Variants in ABAT observed in about 807,000 individuals in gnomAD.
The protein encoded by ABAT is 4-aminobutyrate aminotransferase, mitochondrial.
A neutral mutation model predicts 64.6 loss-of-function variants in ABAT; 45 were observed. That is an observed-to-expected ratio of 0.70 (90% CI 0.55 to 0.89). The LOEUF (loss-of-function observed/expected upper bound fraction) is 0.89, where lower values mean the gene tolerates loss of function less well. Among genes scored for constraint, ABAT ranks in the 40% least tolerant of loss-of-function variants. The probability of loss-of-function intolerance (pLI) is 0.00; values close to 1 mark genes in which losing one functional copy is unlikely to be tolerated. For synonymous variants in ABAT, 297 were observed against 250.5 expected (o/e 1.19, Z -1.75); for missense variants, 633 against 658.4 (o/e 0.96, Z 0.42).
chr16:8,740,824 G>A (rs188355160), intron 2 of ABAT, among the ~76,000 whole-genome samples: 1 of 152,178 alleles, frequency 6.6e-6, no homozygotes, highest in Non-Finnish European at 1.5e-5. Context: ...TTGCTTATTG[G>A]TATCTTCCTC....
intron 2 of ABAT, among the ~76,000 whole-genome samples, chr16:8,741,895 A>G (rs772365136): frequency 6.6e-6 from 1 of 152,244 alleles, no homozygotes; most frequent in Non-Finnish European, 1.5e-5. Context: ...CAACAATACT[A>G]TCTATATGGT....
At chr16:8,738,604 G>GTTTTTT in intron 2 of ABAT, 2 of 258,974 alleles carry the variant, frequency 7.7e-6, no homozygotes, top group Non-Finnish European at 1.4e-5. Flanking sequence ...TTTCTTTTTT[G>GTTTTTT]TTTTTGTTTT....
chr16:8,678,482 A>T (rs1409665863), intron 1 of ABAT, among the ~76,000 whole-genome samples: 1 of 152,254 alleles, frequency 6.6e-6, no homozygotes, highest in Non-Finnish European at 1.5e-5. Context: ...ACAAAGGTTA[A>T]AAGACTTGTC....
At chr16:8,686,888 G>C (rs2057467980) in intron 1 of ABAT, among the ~76,000 whole-genome samples, 1 of 152,308 alleles carries the variant, frequency 6.6e-6, no homozygotes, top group Non-Finnish European at 1.5e-5. Flanking sequence ...ATGAACTGAT[G>C]GTATGTGGAG....
intron 1 of ABAT, among the ~76,000 whole-genome samples, chr16:8,709,459 C>T (rs1303821337): frequency 2.0e-5 from 3 of 151,974 alleles, no homozygotes; most frequent in Admixed American, 1.3e-4. Flanking sequence ...CTGCAACCTC[C>T]GCCTCCTGGG....
intron 1 of ABAT, among the ~76,000 whole-genome samples, chr16:8,706,715 A>G (rs1449736014): frequency 6.6e-6 from 1 of 152,216 alleles, no homozygotes; most frequent in African/African-American, 2.4e-5. Flanking sequence ...CCTGTCTCAA[A>G]AAAAAGATAC....
intron 1 of ABAT, among the ~76,000 whole-genome samples, chr16:8,720,162 C>T (rs1246579086): frequency 6.6e-6 from 1 of 152,222 alleles, no homozygotes; most frequent in African/African-American, 2.4e-5. Flanking sequence ...TGGCCTGCAA[C>T]AGGCATCTCT....
chr16:8,704,806 C>T (rs567159061), intron 1 of ABAT, among the ~76,000 whole-genome samples: 3 of 152,228 alleles, frequency 2.0e-5, no homozygotes, highest in South Asian at 2.1e-4. Flanking sequence ...TACCATTGGT[C>T]ATTTACATTG....
intron 1 of ABAT, among the ~76,000 whole-genome samples, chr16:8,731,186 C>A (rs2058709126): frequency 6.6e-6 from 1 of 152,176 alleles, no homozygotes; most frequent in African/African-American, 2.4e-5. Context: ...TGATCTCGAA[C>A]TCCTGACCTC....
Position 8,746,094 on chromosome 16 carries a change from C to T in ABAT, c.164C>T (p.Ser55Phe). ...AAGACGGAAGTCCCAGGGCCTAGAT[C>T]TCAGGTGAGTTGAGCACACCTGAGT... The part of the protein sequence containing the change: ...LMKTEVPGPR[S>F]QELMKQLNII... The change falls in exon 3 of 16, where the codon TCT becomes TTT. Residue 55 changes from serine to phenylalanine, a missense_variant. By Grantham distance (155) the Ser-to-Phe change is radical (BLOSUM62 -2). Coordinates refer to ENST00000268251, the MANE Select transcript of ABAT (RefSeq NM_020686.6). 6.2e-7 allele frequency: 1 copy of T among 1,612,854 alleles called. No individual in the cohort carries two copies. Among genetic ancestry groups the T allele is most frequent in the Non-Finnish European group, 8.5e-7 (1 of 1,179,454 alleles).
intron 5 of ABAT, among the ~76,000 whole-genome samples, chr16:8,750,851 C>G (rs2059459460): frequency 6.6e-6 from 1 of 152,058 alleles, no homozygotes; most frequent in African/African-American, 2.4e-5. Flanking sequence ...AGAATGCAAA[C>G]CCATCTGTGT....
intron 2 of ABAT, among the ~76,000 whole-genome samples, chr16:8,738,270 A>G (rs2059041918): frequency 1.3e-5 from 2 of 151,986 alleles, no homozygotes; most frequent in African/African-American, 2.4e-5. Context: ...GCAGTGAGCC[A>G]TGATCATGCC....
intron 1 of ABAT, among the ~76,000 whole-genome samples, chr16:8,695,004 A>G (rs1227015959): frequency 3.3e-5 from 5 of 152,196 alleles, no homozygotes; most frequent in Admixed American, 1.3e-4. Context: ...CCCAGCTGGC[A>G]GCATTCTGCT....
intron 1 of ABAT, among the ~76,000 whole-genome samples, chr16:8,698,055 C>T (rs1273376): frequency 0.71 from 108,488 of 152,066 alleles, 39,089 homozygotes; most frequent in East Asian, 0.87. Context: ...CTGGAGCTGC[C>T]GCAAAAAAAT....
At chr16:8,766,370 C>A (rs1567311647) in intron 9 of ABAT, 100 bp downstream of exon 9, 2 of 1,192,946 alleles carry the variant, frequency 1.7e-6, no homozygotes, top group Non-Finnish European at 2.4e-6. Flanking sequence ...TTAGGAAGGG[C>A]CAGGCCAGGC....
chr16:8,768,149 C>A (rs766162227), intron 9 of ABAT, 44 bp from the exon 10 acceptor site: 18 of 1,583,358 alleles, frequency 1.1e-5, no homozygotes, highest in Non-Finnish European at 1.6e-5. Context: ...ACAGTTCCCC[C>A]ATCCTTACAA....
intron 6 of ABAT, among the ~76,000 whole-genome samples, chr16:8,758,507 C>T (rs932911004): frequency 6.6e-6 from 1 of 152,094 alleles, no homozygotes; most frequent in African/African-American, 2.4e-5. Context: ...CAGCAGGGCA[C>T]AGGGTTTTCA....
rs915130672 is a variant in ABAT, at chr16:8,776,601, C to T, written c.1269+111C>T. 1.7e-6 allele frequency: 2 copies of T among 1,184,028 alleles called. No individual in the cohort carries two copies. Among genetic ancestry groups the T allele is most frequent in the Admixed American group, 2.0e-5 (1 of 50,364 alleles). 73.3% of individuals were successfully genotyped at this position (1,184,028 alleles called of 1,614,324 possible). Reference sequence around the variant, plus strand: ...TGTTGTGCCTGCTGTTCCAGCAGTTCGTAACGGGCTGTGCTGCTCCTAGCC... The same window carrying T: ...TGTTGTGCCTGCTGTTCCAGCAGTTTGTAACGGGCTGTGCTGCTCCTAGCC... On this transcript the variant is annotated intron_variant, in intron 14 of 15. Transcript: ENST00000268251. The surrounding 1 kb of genome is among the most constrained non-coding windows in gnomAD (Gnocchi z 4.4).
intron 5 of ABAT, among the ~76,000 whole-genome samples, chr16:8,754,670 A>ATTTCTTTC (rs978873490): frequency 4.1e-4 from 6 of 14,608 alleles, no homozygotes; most frequent in Admixed American, 1.0e-3. Flanking sequence ...TGATTTATTT[A>ATTTCTTTC]TTTCTTTCTT....
Sources: allele counts gnomAD v4.1 joint callset (sites outside exome capture counted in the v4.1 genomes callset), GRCh38; gene constraint gnomAD v4.1.1; non-coding constraint Gnocchi (gnomAD v3.1); transcripts MANE v1.5; gene names NCBI Gene and HGNC (gene_info 2026-07-23, HGNC 2026-07-21).